EIF2AK4: variants seen among roughly 807,000 people sequenced by gnomAD.
EIF2AK4 encodes the protein eIF-2-alpha kinase GCN2.
Under a neutral mutation model 211.1 loss-of-function variants are expected in EIF2AK4, and 139 were observed. The observed-to-expected ratio is 0.66, with a 90% CI of 0.57 to 0.76. EIF2AK4 has a LOEUF of 0.76. Among genes scored for constraint, EIF2AK4 ranks in the 30% least tolerant of loss-of-function variants. The pLI, the probability that EIF2AK4 is intolerant of heterozygous loss-of-function variation, is 0.00. For synonymous variants in EIF2AK4, 710 were observed against 751.3 expected (o/e 0.94, Z 0.90); for missense variants, 1,664 against 2,043.8 (o/e 0.81, Z 3.58).
chr15:39,956,654 C>T (rs565684124), intron 6 of EIF2AK4, among the ~76,000 whole-genome samples: 1 of 152,294 alleles, frequency 6.6e-6, no homozygotes, highest in South Asian at 2.1e-4. Flanking sequence ...CAACTTTGCT[C>T]TCTATTTGCT....
At chr15:40,028,523 A>G (rs1364185502) in intron 33 of EIF2AK4, among the ~76,000 whole-genome samples, 4 of 152,146 alleles carry the variant, frequency 2.6e-5, no homozygotes, top group Admixed American at 2.6e-4. Context: ...AAAACATCCT[A>G]AAGGGTACAG....
intron 1 of EIF2AK4, among the ~76,000 whole-genome samples, chr15:39,934,848 G>T (rs924084062): frequency 1.3e-5 from 2 of 152,174 alleles, no homozygotes; most frequent in Non-Finnish European, 2.9e-5. Flanking sequence ...TCCTCACTGT[G>T]TTTTCCGGTA....
chr15:40,035,142 G>T lies in EIF2AK4; in HGVS notation c.*58G>T. 2 of 1,265,060 alleles carry T rather than the reference G, an allele frequency of 1.6e-6. No homozygotes were observed. The highest frequency in any genetic ancestry group is 1.6e-5 in the South Asian group (1 of 63,784). The allele number at this position is 1,265,060 out of a possible 1,614,324, so 78.4% of individuals were successfully genotyped here. A position where few individuals can be genotyped will look rare whatever the true frequency, so the allele number is the denominator to read the frequency against. ...AGACAGAGGCTTATACTGGAATAATGGAATGTTGTACATTCATCATAATTT... is the reference window on the plus strand; with the variant it reads ...AGACAGAGGCTTATACTGGAATAATTGAATGTTGTACATTCATCATAATTT... On this transcript the variant is annotated 3_prime_UTR_variant, in exon 39 of 39. Coordinates refer to ENST00000263791, the MANE Select transcript of EIF2AK4 (RefSeq NM_001013703.4).
intron 1 of EIF2AK4, among the ~76,000 whole-genome samples, chr15:39,935,668 T>G (rs2034054673): frequency 6.7e-6 from 1 of 149,550 alleles, no homozygotes; most frequent in Admixed American, 6.6e-5. Context: ...TCACAACATC[T>G]GCTCTATCTA....
intron 26 of EIF2AK4, among the ~76,000 whole-genome samples, chr15:40,010,107 G>A (rs2035215747): frequency 6.6e-6 from 1 of 152,224 alleles, no homozygotes; most frequent in African/African-American, 2.4e-5. Context: ...TAATTTCAAA[G>A]ATAGTTAACA....
intron 18 of EIF2AK4, among the ~76,000 whole-genome samples, chr15:39,993,836 G>T (rs1566997643): frequency 6.6e-6 from 1 of 152,254 alleles, no homozygotes; most frequent in Non-Finnish European, 1.5e-5. Flanking sequence ...TAAGGCGGTT[G>T]GCAGCTGGAA....
intron 13 of EIF2AK4, among the ~76,000 whole-genome samples, chr15:39,985,313 C>G (rs1202287520): frequency 6.6e-6 from 1 of 152,032 alleles, no homozygotes; most frequent in Non-Finnish European, 1.5e-5. Context: ...CTGAAATTTT[C>G]TTTTTTTGTT....
chr15:40,017,550 T>C lies in EIF2AK4; in HGVS notation c.4065+308T>C, dbSNP rs1415791103. On this transcript the variant is annotated intron_variant, in intron 29 of 38. Coordinates refer to ENST00000263791, the MANE Select transcript of EIF2AK4 (RefSeq NM_001013703.4). ...ATATATATATATATATATATATATA[T>C]ATATGTATTTTGGAGACAGGGCCTT... 8.5e-5 allele frequency among the ~76,000 whole-genome samples: 8 copies of C among 93,582 alleles called. 1 individual carries two copies. Among genetic ancestry groups the C allele is most frequent in the African/African-American group, 3.1e-4 (8 of 26,068 alleles). The allele number at this position is 93,582 out of a possible 152,430, so 61.4% of individuals were successfully genotyped here. A position where few individuals can be genotyped will look rare whatever the true frequency, so the allele number is the denominator to read the frequency against.
chr15:39,958,074 G>A (rs1373128217), intron 6 of EIF2AK4, among the ~76,000 whole-genome samples: 1 of 152,080 alleles, frequency 6.6e-6, no homozygotes, highest in African/African-American at 2.4e-5. Context: ...GAATATTAAG[G>A]TAAAAATCAA....
At chr15:40,010,224 G>A (rs34513107) in intron 26 of EIF2AK4, among the ~76,000 whole-genome samples, 28,107 of 152,166 alleles carry the variant, frequency 0.18, 2,907 homozygotes, top group Non-Finnish European at 0.24. Flanking sequence ...TTTAGAGACC[G>A]AGAGCAACTG....
At chr15:39,955,367 A>T (rs1441506503) in intron 5 of EIF2AK4, among the ~76,000 whole-genome samples, 1 of 152,202 alleles carries the variant, frequency 6.6e-6, no homozygotes, top group Non-Finnish European at 1.5e-5. Context: ...GTTTTGATAC[A>T]TATAATGTAT....
chr15:39,967,693 A>G lies in EIF2AK4; in HGVS notation c.1367A>G (p.Glu456Gly). ...ISKRLADICK[E>G]DVFEQTRVRF... ...AAGCGCCTCGCAGACATTTGCAAGGAGGATGTGTTTGAGCAAACCCGAGTT... is the reference window on the plus strand; with the variant it reads ...AAGCGCCTCGCAGACATTTGCAAGGGGGATGTGTTTGAGCAAACCCGAGTT... The change falls in exon 9 of 39, where the codon GAG (glutamate) becomes GGG (glycine). Residue 456 changes from glutamate to glycine, a missense_variant. Physicochemically the swap from Glu to Gly is moderately conservative, Grantham distance 98 (BLOSUM62 -2). Coordinates refer to ENST00000263791, the MANE Select transcript of EIF2AK4 (RefSeq NM_001013703.4). The G allele has an allele frequency of 6.2e-7, 1 of 1,614,192 alleles. No homozygotes were observed. The highest frequency in any genetic ancestry group is 8.5e-7 in the Non-Finnish European group (1 of 1,180,018).
chr15:39,952,759 G>T (rs1435862537), intron 4 of EIF2AK4, among the ~76,000 whole-genome samples: 1 of 151,906 alleles, frequency 6.6e-6, no homozygotes, highest in African/African-American at 2.4e-5. Context: ...CTGTCTTTTT[G>T]TAGGTGCCAT....
chr15:39,990,146 G>T, intron 15 of EIF2AK4, 127 bp from the exon 16 acceptor site: 1 of 813,282 alleles, frequency 1.2e-6, no homozygotes. Flanking sequence ...AGACAGCCTG[G>T]ACCAGGGTGG....
At chr15:40,024,768 A>C (rs2035443876) in intron 32 of EIF2AK4, among the ~76,000 whole-genome samples, 3 of 134,954 alleles carry the variant, frequency 2.2e-5, no homozygotes, top group African/African-American at 5.7e-5. Flanking sequence ...GGTCTCACTC[A>C]CCTATGTTGG....
At chr15:39,957,966 C>T (rs756470697) in intron 6 of EIF2AK4, among the ~76,000 whole-genome samples, 2 of 152,228 alleles carry the variant, frequency 1.3e-5, no homozygotes, top group Non-Finnish European at 2.9e-5. Context: ...AGGCCTGATA[C>T]TCAAAGGCTT....
At chr15:40,007,742 T>C (rs2035180784) in intron 24 of EIF2AK4, among the ~76,000 whole-genome samples, 1 of 152,206 alleles carries the variant, frequency 6.6e-6, no homozygotes. Flanking sequence ...TGGGTATCCC[T>C]GTGTAGAAAG....
intron 20 of EIF2AK4, among the ~76,000 whole-genome samples, chr15:40,000,087 A>T (rs1489664175): frequency 2.6e-5 from 4 of 152,166 alleles, no homozygotes; most frequent in Non-Finnish European, 4.4e-5. Flanking sequence ...GCATAGCATA[A>T]TTTTTTGCCA....
intron 19 of EIF2AK4, 110 bp from the exon 20 acceptor site, chr15:39,998,621 T>C: frequency 1.2e-6 from 1 of 806,654 alleles, no homozygotes; most frequent in Non-Finnish European, 2.0e-6. Context: ...ACCTATCTTT[T>C]CTTGCTAGCA....
Sources: gnomAD v4.1 joint callset for allele counts (sites outside exome capture counted in the v4.1 genomes callset) on GRCh38, gnomAD v4.1.1 for gene constraint, MANE v1.5 for transcripts, NCBI Gene and HGNC (gene_info 2026-07-23, HGNC 2026-07-21) for gene names.